The following PTPRD variants were observed in gnomAD, a reference collection of about 807,000 sequenced individuals.
PTPRD encodes protein tyrosine phosphatase receptor type D, also known as receptor-type tyrosine-protein phosphatase delta.
A neutral mutation model predicts 214.5 loss-of-function variants in PTPRD; 34 were observed. The observed-to-expected ratio is 0.16, with a 90% CI of 0.12 to 0.21. PTPRD has a LOEUF of 0.21. PTPRD is among the 10% of genes least tolerant of loss of function. The probability of loss-of-function intolerance (pLI) is 1.00; values close to 1 mark genes in which losing one functional copy is unlikely to be tolerated. For missense variants in PTPRD, 2,545 were observed against 2,398.7 expected, an observed-to-expected ratio of 1.06 and a Z score of -1.27; for synonymous variants, 1,128 against 845.7, an observed-to-expected ratio of 1.33 and a Z score of -5.79.
chr9:10,590,717 A>G (rs2075227209), intron 2 of PTPRD, among the ~76,000 whole-genome samples: 1 of 151,818 alleles, frequency 6.6e-6, no homozygotes, highest in African/African-American at 2.4e-5. Flanking sequence ...TCTCCATCAA[A>G]TTCATTTTTG....
intron 2 of PTPRD, among the ~76,000 whole-genome samples, chr9:10,392,608 C>T (rs1464750965): frequency 1.3e-5 from 2 of 151,784 alleles, no homozygotes; most frequent in African/African-American, 4.8e-5. Context: ...AAGATGGCTA[C>T]ACAATATAAT....
At chr9:9,710,073 G>T (rs1564680202) in intron 7 of PTPRD, among the ~76,000 whole-genome samples, 1 of 151,864 alleles carries the variant, frequency 6.6e-6, no homozygotes, top group Non-Finnish European at 1.5e-5. Flanking sequence ...ATAGGTCTCT[G>T]CCATTCTTAC....
intron 3 of PTPRD, among the ~76,000 whole-genome samples, chr9:10,275,857 G>A (rs4741027): frequency 0.41 from 62,586 of 152,000 alleles, 14,260 homozygotes; most frequent in Non-Finnish European, 0.52. Context: ...AAATCCCTGA[G>A]GGACATGAAA....
At position 10,264,727 on chromosome 9, in the gene PTPRD, T is replaced by A. The variant is rs1040828490; in HGVS notation, c.-545+76236A>T. Among the ~76,000 whole-genome samples the A allele has an allele frequency of 1.3e-5, 2 of 152,110 alleles. 1 individual carries two copies. Among genetic ancestry groups the A allele is most frequent in the Admixed American group, 1.3e-4 (2 of 15,272 alleles). On this transcript the variant is annotated intron_variant, in intron 3 of 45. Transcript: ENST00000381196. ...TTCGGGATCTCTTGGGAAGCCATGA[T>A]TAATTTTGAAATCTGAGGACACGAG... is the stretch of plus-strand genomic sequence containing the variant.
chr9:9,815,987 G>A (rs922780894), intron 5 of PTPRD, among the ~76,000 whole-genome samples: 28 of 152,058 alleles, frequency 1.8e-4, no homozygotes, highest in African/African-American at 6.3e-4. Context: ...ATTGCAAAGC[G>A]AAAGTACACA....
intron 3 of PTPRD, among the ~76,000 whole-genome samples, chr9:10,242,586 T>C (rs758769161): frequency 2.7e-5 from 4 of 148,922 alleles, no homozygotes; most frequent in Non-Finnish European, 5.9e-5. Context: ...TTTACTTGAG[T>C]GTTAGAGGCA....
At position 9,963,406 on chromosome 9, in the gene PTPRD, T is replaced by C. The variant is rs760699850; in HGVS notation, c.-471-24796A>G. On this transcript the variant is annotated intron_variant, in intron 4 of 45. Coordinates refer to ENST00000381196, the MANE Select transcript of PTPRD (RefSeq NM_002839.4). ...AAAGAGAAATGCCTCTAAGTGTAAA[T>C]AGTTTCTCCTTTATAACTTTATAAT... Among the ~76,000 whole-genome samples the C allele has an allele frequency of 5.5e-5, 8 of 145,066 alleles. No individual in the cohort carries two copies. In the East Asian group the frequency reaches 5.8e-4, roughly 10 times the overall value.
At chr9:9,223,121 G>C (rs1469707997) in intron 9 of PTPRD, among the ~76,000 whole-genome samples, 1 of 151,964 alleles carries the variant, frequency 6.6e-6, no homozygotes, top group Non-Finnish European at 1.5e-5. Flanking sequence ...CACTAATACA[G>C]TATTATAGAT....
intron 11 of PTPRD, among the ~76,000 whole-genome samples, chr9:8,934,300 A>C (rs966043214): frequency 6.7e-6 from 1 of 148,914 alleles, no homozygotes; most frequent in African/African-American, 2.5e-5. Flanking sequence ...TCCAACTTGA[A>C]CTACCGAAAT....
At chr9:10,496,764 G>C (rs943600881) in intron 2 of PTPRD, among the ~76,000 whole-genome samples, 1 of 151,970 alleles carries the variant, frequency 6.6e-6, no homozygotes, top group Non-Finnish European at 1.5e-5. Context: ...CTTTTGAGAG[G>C]TGTGTGTTCA....
chr9:10,579,146 A>G (rs2070742827), intron 2 of PTPRD, among the ~76,000 whole-genome samples: 2 of 152,108 alleles, frequency 1.3e-5, no homozygotes, highest in South Asian at 4.1e-4. Context: ...AGCCATAAAA[A>G]AAGAATGAGA....
chr9:10,501,787 A>G (rs2043806818), intron 2 of PTPRD, among the ~76,000 whole-genome samples: 1 of 152,058 alleles, frequency 6.6e-6, no homozygotes, highest in South Asian at 2.1e-4. Flanking sequence ...GTTACAAAAT[A>G]AATACACTCT....
chr9:8,589,222 C>T (rs563561554), intron 14 of PTPRD, among the ~76,000 whole-genome samples: 2 of 152,300 alleles, frequency 1.3e-5, no homozygotes, highest in South Asian at 2.1e-4. Flanking sequence ...AATCAACCCA[C>T]CAACCAAACA....
chr9:10,522,928 T>G (rs748816143), intron 2 of PTPRD, among the ~76,000 whole-genome samples: 3 of 151,920 alleles, frequency 2.0e-5, no homozygotes, highest in Admixed American at 6.6e-5. Context: ...AGAAGCTAGG[T>G]TTTTAATCAT....
At chr9:8,443,251 A>G (rs904418846) in intron 34 of PTPRD, among the ~76,000 whole-genome samples, 3 of 152,230 alleles carry the variant, frequency 2.0e-5, no homozygotes, top group African/African-American at 7.2e-5. Flanking sequence ...AGAAAATAAA[A>G]CAGAAAGGAC....
At position 8,496,954 on chromosome 9, in the gene PTPRD, G is replaced by A. The variant is rs998229172; in HGVS notation, c.2349+288C>T. Among the ~76,000 whole-genome samples the A allele has an allele frequency of 4.6e-5, 7 of 152,274 alleles. No homozygotes were observed. The South Asian group carries it at 1.4e-3, about 32-fold the overall frequency. ...CCAAAAGATTAGACAACACCCCTGT[G>A]TTTTAAAGCATGCCTCCTCTGACTG... is the stretch of plus-strand genomic sequence containing the variant. On this transcript the variant is annotated intron_variant, in intron 26 of 45. Coordinates refer to ENST00000381196, the MANE Select transcript of PTPRD (RefSeq NM_002839.4).
At chr9:8,496,197 C>T (rs999090166) in intron 26 of PTPRD, among the ~76,000 whole-genome samples, 3 of 146,728 alleles carry the variant, frequency 2.0e-5, no homozygotes, top group Non-Finnish European at 3.0e-5. Context: ...CACACACACA[C>T]ACACACACAC....
intron 10 of PTPRD, among the ~76,000 whole-genome samples, chr9:9,147,410 G>C (rs2099870508): frequency 6.6e-6 from 1 of 151,096 alleles, no homozygotes; most frequent in Admixed American, 6.6e-5. Context: ...CCCTTATTTG[G>C]CACTTACCAT....
At chr9:9,821,494 T>C (rs912488854) in intron 5 of PTPRD, among the ~76,000 whole-genome samples, 9 of 152,196 alleles carry the variant, frequency 5.9e-5, no homozygotes, top group Non-Finnish European at 1.3e-4. Context: ...TATGTAGTTA[T>C]ATAAAGACTG....
Sources: gnomAD v4.1 joint callset for allele counts (sites outside exome capture counted in the v4.1 genomes callset) on GRCh38, gnomAD v4.1.1 for gene constraint, MANE v1.5 for transcripts, NCBI Gene and HGNC (gene_info 2026-07-23, HGNC 2026-07-21) for gene names.